The following TTLL11 variants were observed in gnomAD, a reference collection of about 807,000 sequenced individuals.
The protein encoded by TTLL11 is tubulin tyrosine ligase like 11.
Under a neutral mutation model 51.7 loss-of-function variants are expected in TTLL11, and 42 were observed. That is an observed-to-expected ratio of 0.81 (90% CI 0.64 to 1.05). The LOEUF (loss-of-function observed/expected upper bound fraction) is 1.05, where lower values mean the gene tolerates loss of function less well. Ranked by LOEUF, TTLL11 falls within the 50% of genes least tolerant of loss-of-function variation. TTLL11 has a pLI of 0.00. For synonymous variants in TTLL11, 381 were observed against 383.5 expected (o/e 0.99, Z 0.08); for missense variants, 799 against 940.4 (o/e 0.85, Z 1.97).
chr9:122,062,305 A>T (rs1309741144), intron 1 of TTLL11, among the ~76,000 whole-genome samples: 1 of 152,104 alleles, frequency 6.6e-6, no homozygotes, highest in Non-Finnish European at 1.5e-5. Context: ...TCCCAGCCTC[A>T]GTGCTAGGAA....
At chr9:121,883,787 C>A (rs1197995944) in intron 6 of TTLL11, among the ~76,000 whole-genome samples, 2 of 152,168 alleles carry the variant, frequency 1.3e-5, no homozygotes, top group African/African-American at 2.4e-5. Context: ...TGATGCCTCC[C>A]TGATGGCTCT....
intron 6 of TTLL11, among the ~76,000 whole-genome samples, chr9:121,918,088 T>G (rs2416837): frequency 0.18 from 26,707 of 152,000 alleles, 3,783 homozygotes; most frequent in African/African-American, 0.38. Context: ...CAGCCTGTGG[T>G]CACTTTACAG....
chr9:122,073,408 T>C (rs1280351089), intron 1 of TTLL11, among the ~76,000 whole-genome samples: 1 of 151,888 alleles, frequency 6.6e-6, no homozygotes, highest in Non-Finnish European at 1.5e-5. Flanking sequence ...AGACTCCATC[T>C]CAGAAAATGA....
chr9:121,941,232 G>A (rs1335305005), intron 6 of TTLL11, among the ~76,000 whole-genome samples: 1 of 152,222 alleles, frequency 6.6e-6, no homozygotes, highest in African/African-American at 2.4e-5. Flanking sequence ...TCACCAAAGT[G>A]AGCCCTGAGT....
At chr9:122,016,967 A>T (rs1217031577) in intron 3 of TTLL11, among the ~76,000 whole-genome samples, 1 of 152,200 alleles carries the variant, frequency 6.6e-6, no homozygotes, top group Non-Finnish European at 1.5e-5. Flanking sequence ...TTCACTGAGA[A>T]TCCCACTCGC....
intron 6 of TTLL11, among the ~76,000 whole-genome samples, chr9:121,924,233 T>G (rs1033504965): frequency 2.6e-5 from 4 of 152,260 alleles, no homozygotes; most frequent in Non-Finnish European, 4.4e-5. Context: ...GCCTCTTTCA[T>G]GCTTTCAGTA....
intron 1 of TTLL11, among the ~76,000 whole-genome samples, chr9:122,045,263 T>C (rs2131836644): frequency 6.6e-6 from 1 of 150,986 alleles, no homozygotes; most frequent in African/African-American, 2.4e-5. Flanking sequence ...CCAAAAGAAT[T>C]GAAAGCAGGC....
intron 6 of TTLL11, among the ~76,000 whole-genome samples, chr9:121,881,137 C>T (rs1838773387): frequency 6.6e-6 from 1 of 152,194 alleles, no homozygotes; most frequent in Non-Finnish European, 1.5e-5. Context: ...CCAAAATTAG[C>T]AGAAAAGGCC....
Position 121,860,450 on chromosome 9 carries a change from A to G in TTLL11, c.1734-7T>C. Reference sequence around the variant, plus strand: ...GCTGCTGAGTTTGCAGCTCCTGCCAACAATGGGAAGTGACATGTCACTGCC... The same window carrying G: ...GCTGCTGAGTTTGCAGCTCCTGCCAGCAATGGGAAGTGACATGTCACTGCC... On this transcript the variant is annotated splice_polypyrimidine_tract_variant and splice_region_variant and intron_variant, in intron 7 of 8. Coordinates refer to ENST00000321582, the MANE Select transcript of TTLL11 (RefSeq NM_001139442.2). The G allele has an allele frequency of 6.5e-7, 1 of 1,550,176 alleles. No individual in the cohort carries two copies. Among genetic ancestry groups the G allele is most frequent in the Non-Finnish European group, 8.7e-7 (1 of 1,146,636 alleles).
intron 8 of TTLL11, among the ~76,000 whole-genome samples, chr9:121,840,921 C>G (rs1837328168): frequency 6.6e-6 from 1 of 152,242 alleles, no homozygotes; most frequent in African/African-American, 2.4e-5. Flanking sequence ...TGGCACGAGG[C>G]ACTTGGCCTC....
At chr9:121,838,765 C>CAAGCAAGCAAGA (rs1837257815) in intron 8 of TTLL11, among the ~76,000 whole-genome samples, 1 of 138,724 alleles carries the variant, frequency 7.2e-6, no homozygotes, top group South Asian at 2.4e-4. Flanking sequence ...AGAGAGAAAG[C>CAAGCAAGCAAGA]AAGCAAGCAA....
At chr9:121,854,189 C>A (rs1837749912) in intron 8 of TTLL11, among the ~76,000 whole-genome samples, 1 of 152,140 alleles carries the variant, frequency 6.6e-6, no homozygotes, top group Non-Finnish European at 1.5e-5. Context: ...GAGACTGTGG[C>A]TTTGGGTATA....
At chr9:121,986,422 C>T (rs150337794) in intron 4 of TTLL11, among the ~76,000 whole-genome samples, 139 of 152,348 alleles carry the variant, frequency 9.1e-4, no homozygotes, top group Middle Eastern at 3.4e-3. Context: ...GACCCCTGGA[C>T]GTGTCCACGT....
chr9:121,864,103 G>A (rs1417226427), intron 7 of TTLL11, among the ~76,000 whole-genome samples: 1 of 152,184 alleles, frequency 6.6e-6, no homozygotes, highest in Admixed American at 6.5e-5. Context: ...AACAGGAAAT[G>A]AATGACTCCA....
chr9:122,088,352 A>G (rs2131940317), intron 1 of TTLL11, among the ~76,000 whole-genome samples: 1 of 152,148 alleles, frequency 6.6e-6, no homozygotes, highest in African/African-American at 2.4e-5. Flanking sequence ...CTCCTCCTAC[A>G]CCAGGAGCTC....
chr9:121,978,730 A>G (rs1421693875), intron 4 of TTLL11, among the ~76,000 whole-genome samples: 4 of 152,106 alleles, frequency 2.6e-5, no homozygotes, highest in Non-Finnish European at 5.9e-5. Flanking sequence ...CTTCAAATCA[A>G]GTTGGGGAGA....
chr9:122,000,288 G>A (rs906024776), intron 3 of TTLL11, among the ~76,000 whole-genome samples: 3 of 151,894 alleles, frequency 2.0e-5, no homozygotes, highest in Non-Finnish European at 2.9e-5. Flanking sequence ...TGCCTAACAC[G>A]GTGAAACCCC....
chr9:121,824,503 A>G (rs1048207320), intron 8 of TTLL11, among the ~76,000 whole-genome samples: 2 of 151,852 alleles, frequency 1.3e-5, no homozygotes, highest in Non-Finnish European at 2.9e-5. Context: ...AAGAAAAGAA[A>G]AAAAGAAACT....
intron 3 of TTLL11, among the ~76,000 whole-genome samples, chr9:122,023,868 G>C (rs973974210): frequency 1.3e-5 from 2 of 152,044 alleles, no homozygotes; most frequent in Non-Finnish European, 2.9e-5. Context: ...AATGATGAAA[G>C]ACGAAATCCA....
Sources: gnomAD v4.1 joint callset for allele counts (sites outside exome capture counted in the v4.1 genomes callset) on GRCh38, gnomAD v4.1.1 for gene constraint, MANE v1.5 for transcripts, NCBI Gene and HGNC (gene_info 2026-07-23, HGNC 2026-07-21) for gene names.